Variants in PCDH17 observed in about 807,000 individuals in gnomAD.
PCDH17 encodes protocadherin 17.
In PCDH17, 21 loss-of-function variants were observed where a neutral mutation model predicts 67.7. The observed-to-expected ratio is 0.31, with a 90% CI of 0.22 to 0.45. The LOEUF is 0.45. Ranked by LOEUF, PCDH17 falls within the 20% of genes least tolerant of loss-of-function variation. The pLI is 1.00. For missense variants in PCDH17, 1,471 were observed against 1,564.8 expected (o/e 0.94, Z 1.01); for synonymous variants, 701 against 656.7 (o/e 1.07, Z -1.03).
Position 57,704,489 on chromosome 13 carries a change from T to C in PCDH17, c.2798-20123T>C, listed in dbSNP as rs903395606. 2.6e-5 allele frequency among the ~76,000 whole-genome samples: 4 copies of C among 151,462 alleles called. No individual in the cohort carries two copies. The East Asian group carries it at 5.8e-4, about 22-fold the overall frequency. ...CTGAGTCATCATAATGATTGATAGA[T>C]AAATATTAGGAATAATTTTAATTTA... On this transcript the variant is annotated intron_variant, in intron 3 of 3. Coordinates refer to ENST00000377918, the MANE Select transcript of PCDH17 (RefSeq NM_001040429.3).
intron 1 of PCDH17, among the ~76,000 whole-genome samples, chr13:57,660,076 G>GAAGAAAA (rs932006871): frequency 1.3e-5 from 2 of 151,806 alleles, no homozygotes; most frequent in African/African-American, 2.4e-5. Flanking sequence ...CTATACTAAA[G>GAAGAAAA]AAGAAAAAAG....
chr13:57,691,157 G>A (rs148061941), intron 3 of PCDH17, among the ~76,000 whole-genome samples: 36 of 151,370 alleles, frequency 2.4e-4, no homozygotes, highest in African/African-American at 8.4e-4. Flanking sequence ...TAATTATGAA[G>A]AAATATTTAA....
chr13:57,653,728 G>A (rs1955070081), intron 1 of PCDH17, among the ~76,000 whole-genome samples: 1 of 152,090 alleles, frequency 6.6e-6, no homozygotes, highest in Admixed American at 6.5e-5. Flanking sequence ...AAGTAAACAA[G>A]AGCTGAAGAG....
At position 57,634,823 on chromosome 13, in the gene PCDH17, G is replaced by C; in HGVS notation, c.2277G>C (p.Lys759Asn). The C allele has an allele frequency of 1.2e-6, 2 of 1,614,104 alleles. No individual in the cohort carries two copies. Among genetic ancestry groups the C allele is most frequent in the Non-Finnish European group, 1.7e-6 (2 of 1,180,036 alleles). The change falls in exon 1 of 4, where the codon AAG (lysine) becomes AAC (asparagine). Residue 759 changes from lysine to asparagine, a missense_variant. Lys to Asn is a moderately conservative substitution (Grantham distance 94). This residue lies in a region of PCDH17 where 1,163 missense variants were observed against 1,230.0 expected (regional missense o/e 0.95). Coordinates refer to ENST00000377918, the MANE Select transcript of PCDH17 (RefSeq NM_001040429.3). The surrounding 1 kb of genome is among the most constrained non-coding windows in gnomAD (Gnocchi z 7.8). Reference protein sequence around the residue: ...HPQLGGGKGKKKKINKNDIML... With the variant: ...HPQLGGGKGKNKKINKNDIML... The stretch of plus-strand genomic sequence containing the variant: ...AGCTGGGTGGGGGCAAGGGCAAGAA[G>C]AAGAAGATCAACAAAAATGATATCA...
chr13:57,683,973 A>G (rs1955482797), intron 3 of PCDH17, among the ~76,000 whole-genome samples: 2 of 151,810 alleles, frequency 1.3e-5, no homozygotes, highest in Admixed American at 6.6e-5. Context: ...AATTACTCAC[A>G]TATTAAATAG....
intron 3 of PCDH17, among the ~76,000 whole-genome samples, chr13:57,673,338 C>G (rs553746710): frequency 1.3e-5 from 2 of 152,094 alleles, no homozygotes; most frequent in South Asian, 2.1e-4. Context: ...AAGGCCTACT[C>G]AAGACTTGAT....
intron 3 of PCDH17, among the ~76,000 whole-genome samples, chr13:57,696,617 C>T (rs1955611379): frequency 6.6e-6 from 1 of 151,112 alleles, no homozygotes; most frequent in South Asian, 2.1e-4. Flanking sequence ...TTAAAATATA[C>T]CATATTTTAA....
chr13:57,637,588 T>G, intron 1 of PCDH17, among the ~76,000 whole-genome samples: 1 of 151,978 alleles, frequency 6.6e-6, no homozygotes, highest in Non-Finnish European at 1.5e-5. Flanking sequence ...ACTATTAATC[T>G]CATGTGTATT....
intron 3 of PCDH17, among the ~76,000 whole-genome samples, chr13:57,715,078 A>G (rs1156578721): frequency 6.6e-6 from 1 of 151,848 alleles, no homozygotes; most frequent in East Asian, 1.9e-4. Flanking sequence ...GGCAGGATTT[A>G]TCTCATAATT....
intron 3 of PCDH17, among the ~76,000 whole-genome samples, chr13:57,679,487 A>T (rs150344251): frequency 6.6e-6 from 1 of 151,434 alleles, no homozygotes; most frequent in African/African-American, 2.4e-5. Flanking sequence ...ACAGCATAGG[A>T]TCATTTTGAA....
At chr13:57,697,614 G>T (rs576647898) in intron 3 of PCDH17, among the ~76,000 whole-genome samples, 1 of 151,430 alleles carries the variant, frequency 6.6e-6, no homozygotes, top group Non-Finnish European at 1.5e-5. Flanking sequence ...CATACTGGCC[G>T]GATAAGAATG....
chr13:57,634,984 T>C lies in PCDH17; in HGVS notation c.2438T>C (p.Val813Ala), dbSNP rs1340991639. The C allele has an allele frequency of 6.2e-7, 1 of 1,613,388 alleles. No individual in the cohort carries two copies. Among genetic ancestry groups the C allele is most frequent in the East Asian group, 2.2e-5 (1 of 44,834 alleles). ...CCCCTCAGCTCGCCCCGGTCGGAGG[T>C]GATGTATCTCAAACCGGCCTCCAAC... ...RLPLSSPRSE[V>A]MYLKPASNNL... Residue 813 changes from valine (V) to alanine (A), a missense_variant, in exon 1 of 4, where the codon GTG becomes GCG. Val to Ala is a moderately conservative substitution (Grantham distance 64). Around this residue, in one of 3 missense-constraint regions of PCDH17, gnomAD observed 1,163 missense variants for 1,230.0 expected, o/e 0.95. Transcript: ENST00000377918. The surrounding 1 kb of genome is among the most constrained non-coding windows in gnomAD (Gnocchi z 7.8).
chr13:57,680,347 C>G (rs1955437000), intron 3 of PCDH17, among the ~76,000 whole-genome samples: 1 of 151,380 alleles, frequency 6.6e-6, no homozygotes, highest in South Asian at 2.1e-4. Flanking sequence ...ATAGCATCAT[C>G]AAAGAAGTGG....
At position 57,724,750 on chromosome 13, in the gene PCDH17, A is replaced by C; in HGVS notation, c.2936A>C (p.Glu979Ala). The C allele has an allele frequency of 6.2e-7, 1 of 1,614,148 alleles. No individual in the cohort carries two copies. The highest frequency in any genetic ancestry group is 8.5e-7 in the Non-Finnish European group (1 of 1,180,002). Reference sequence around the variant, plus strand: ...ACAAATCTCTTTGTACCTACAGTTGAAGCTAATGTTGAGACTGAGACTTAC... The same window carrying C: ...ACAAATCTCTTTGTACCTACAGTTGCAGCTAATGTTGAGACTGAGACTTAC... ...YRTNLFVPTV[E>A]ANVETETYET... The change falls in exon 4 of 4, where the codon GAA becomes GCA. Residue 979 changes from glutamate (E) to alanine (A), a missense_variant. Physicochemically the swap from Glu to Ala is moderately radical, Grantham distance 107. Around this residue, in one of 3 missense-constraint regions of PCDH17, gnomAD observed 297 missense variants for 298.6 expected, o/e 0.99. Coordinates refer to ENST00000377918, the MANE Select transcript of PCDH17 (RefSeq NM_001040429.3).
chr13:57,683,058 T>C (rs1955469966), intron 3 of PCDH17, among the ~76,000 whole-genome samples: 1 of 151,878 alleles, frequency 6.6e-6, no homozygotes, highest in Non-Finnish European at 1.5e-5. Flanking sequence ...AGCTTTTGCG[T>C]GACTAAGCCA....
chr13:57,718,456 A>G (rs1023634937), intron 3 of PCDH17, among the ~76,000 whole-genome samples: 1 of 152,072 alleles, frequency 6.6e-6, no homozygotes, highest in Admixed American at 6.6e-5. Context: ...AACAATATAC[A>G]AGTAAATGGG....
Position 57,729,043 on chromosome 13 carries a change from G to A in PCDH17, c.*3749G>A, listed in dbSNP as rs887349369. 6 of 152,042 alleles carry A rather than the reference G, an allele frequency of 3.9e-5. No homozygotes were observed. Among genetic ancestry groups the A allele is most frequent in the African/African-American group, 1.4e-4 (6 of 41,422 alleles). The allele number at this position is 152,042 out of a possible 1,614,324, so 9.4% of individuals were successfully genotyped here. A position where few individuals can be genotyped will look rare whatever the true frequency, so the allele number is the denominator to read the frequency against. ...AGCACTAATTCGAATGAGAGTTTTG[G>A]CTATCAAGATGTGTTGATTCTAAAT... is the stretch of plus-strand genomic sequence containing the variant. On this transcript the variant is annotated 3_prime_UTR_variant, in exon 4 of 4. Coordinates refer to ENST00000377918, the MANE Select transcript of PCDH17 (RefSeq NM_001040429.3).
At chr13:57,693,477 G>C (rs1270679840) in intron 3 of PCDH17, among the ~76,000 whole-genome samples, 1 of 149,186 alleles carries the variant, frequency 6.7e-6, no homozygotes, top group East Asian at 2.0e-4. Flanking sequence ...TTGCAGATAG[G>C]TTAGAGTGGA....
intron 3 of PCDH17, among the ~76,000 whole-genome samples, chr13:57,679,671 T>G (rs1037142571): frequency 2.0e-5 from 3 of 151,626 alleles, no homozygotes; most frequent in African/African-American, 7.2e-5. Context: ...GTTTTTGTTC[T>G]GAATCATTTT....
Sources: gnomAD v4.1 joint callset for allele counts (sites outside exome capture counted in the v4.1 genomes callset) on GRCh38, gnomAD v4.1.1 for gene constraint, gnomAD v4.1.1 regional missense constraint, Gnocchi (gnomAD v3.1) non-coding constraint, MANE v1.5 for transcripts, NCBI Gene and HGNC (gene_info 2026-07-23, HGNC 2026-07-21) for gene names.